INTS7: variants seen among roughly 807,000 people sequenced by gnomAD.
INTS7 encodes chromosome 1 open reading frame 73.
A neutral mutation model predicts 109.2 loss-of-function variants in INTS7; 46 were observed. The observed-to-expected ratio is 0.42, with a 90% confidence interval of 0.33 to 0.54. INTS7 has a LOEUF of 0.54. Among genes scored for constraint, INTS7 ranks in the 20% least tolerant of loss-of-function variants. INTS7 has a pLI of 0.07. For missense variants in INTS7, 929 were observed against 1,132.4 expected (o/e 0.82, Z 2.58); for synonymous variants, 412 against 402.9 (o/e 1.02, Z -0.27).
At chr1:212,016,835 T>A in intron 4 of INTS7, 51 bp downstream of exon 4, 1 of 1,524,236 alleles carries the variant, frequency 6.6e-7, no homozygotes, top group South Asian at 1.3e-5. Context: ...CCTTCAAAAA[T>A]TTTTCTTGGG....
intron 13 of INTS7, among the ~76,000 whole-genome samples, chr1:211,973,011 C>T (rs1028981234): frequency 4.6e-5 from 7 of 152,184 alleles, no homozygotes; most frequent in Non-Finnish European, 7.3e-5. Context: ...AGTGCAATGG[C>T]ACAATCTCAG....
chr1:211,983,870 C>CA (rs1434763976), intron 8 of INTS7, among the ~76,000 whole-genome samples: 2 of 149,868 alleles, frequency 1.3e-5, no homozygotes, highest in Admixed American at 1.3e-4. Flanking sequence ...TTTTTTGAGA[C>CA]AGAGTCTCAC....
chr1:211,952,472 G>C (rs1394673691), intron 17 of INTS7, 97 bp downstream of exon 17: 2 of 1,254,064 alleles, frequency 1.6e-6, no homozygotes, highest in Non-Finnish European at 2.3e-6. Flanking sequence ...AACAGGCACA[G>C]AAAGGTTAAT....
chr1:211,963,088 G>GAA (rs568047708), intron 16 of INTS7, among the ~76,000 whole-genome samples: 10 of 151,720 alleles, frequency 6.6e-5, no homozygotes, highest in Non-Finnish European at 1.3e-4. Context: ...TTGGTGTTTT[G>GAA]AAAAAAAATT....
rs560135077 is a variant in INTS7 at position 211,971,687 on chromosome 1, G to A, written c.1816-2980C>T. Among the ~76,000 whole-genome samples the A allele has an allele frequency of 9.9e-5, 15 of 152,228 alleles. No homozygotes were observed. The South Asian group carries it at 1.2e-3, about 13-fold the overall frequency. ...TGCCAGCACTTTGGGAGGCCAAGGCGGGTGGATCACCTTAGGTCAGGAGTT... is the reference window on the plus strand; with the variant it reads ...TGCCAGCACTTTGGGAGGCCAAGGCAGGTGGATCACCTTAGGTCAGGAGTT... On this transcript the variant is annotated intron_variant, in intron 13 of 19. Transcript: ENST00000366994.
At chr1:211,943,037 C>T (rs867528839) in intron 19 of INTS7, among the ~76,000 whole-genome samples, 10 of 152,098 alleles carry the variant, frequency 6.6e-5, no homozygotes, top group Non-Finnish European at 1.2e-4. Context: ...AATGAACTGA[C>T]GTCACCAACC....
chr1:212,000,670 CTG>C (rs1243108440), intron 7 of INTS7, among the ~76,000 whole-genome samples: 5 of 152,286 alleles, frequency 3.3e-5, no homozygotes. Flanking sequence ...ATTTGAATTT[CTG>C]TGTTTCTTTA....
At chr1:211,973,503 A>G (rs1162700562) in intron 13 of INTS7, among the ~76,000 whole-genome samples, 3 of 152,232 alleles carry the variant, frequency 2.0e-5, no homozygotes, top group African/African-American at 7.2e-5. Flanking sequence ...GCAGATAAAA[A>G]GCATGATCCT....
chr1:212,011,967 T>C (rs984528774), intron 4 of INTS7, among the ~76,000 whole-genome samples: 8 of 152,242 alleles, frequency 5.3e-5, no homozygotes, highest in African/African-American at 1.7e-4. Context: ...ATTCTTAATG[T>C]CAACATTTAA....
At chr1:211,994,624 G>A (rs1213907261) in intron 7 of INTS7, among the ~76,000 whole-genome samples, 1 of 150,748 alleles carries the variant, frequency 6.6e-6, no homozygotes, top group Non-Finnish European at 1.5e-5. Context: ...GTAGAGATGA[G>A]GTTTCACTAT....
In INTS7 at chr1:211,951,714, C is replaced by T. The variant is rs12077149; in HGVS notation, c.2316+855G>A. On this transcript the variant is annotated intron_variant, in intron 17 of 19. Coordinates refer to ENST00000366994, the MANE Select transcript of INTS7 (RefSeq NM_015434.4). The stretch of plus-strand genomic sequence containing the variant: ...CTGTCACCAGGGCCAGGAAGAAAGT[C>T]CTCACCAGGAACCGAATCTGCTGGC... Among the ~76,000 whole-genome samples, 1,211 of 152,300 alleles carry T rather than the reference C, an allele frequency of 8.0e-3. 17 individuals are homozygous for T. The highest frequency in any genetic ancestry group is 0.027 in the African/African-American group (1,138 of 41,548).
rs763233276 is a variant in INTS7 at position 211,946,530 on chromosome 1, T to C, written c.2415+77A>G. ...AAACCAAAGGTAACACACTGAAGTG[T>C]AGCTATGTCCTACATAATCTTCAGA... On this transcript the variant is annotated intron_variant, in intron 18 of 19. Transcript: ENST00000366994. The surrounding 1 kb of genome is among the most constrained non-coding windows in gnomAD (Gnocchi z 4.3). 3 of 824,634 alleles carry C rather than the reference T, an allele frequency of 3.6e-6. No homozygotes were observed. Among genetic ancestry groups the C allele is most frequent in the Non-Finnish European group, 6.1e-6 (3 of 494,146 alleles). The allele number at this position is 824,634 out of a possible 1,614,324, so 51.1% of individuals were successfully genotyped here. A position where few individuals can be genotyped will look rare whatever the true frequency, so the allele number is the denominator to read the frequency against.
At chr1:212,027,178 A>C (rs961220749) in intron 1 of INTS7, among the ~76,000 whole-genome samples, 1 of 152,200 alleles carries the variant, frequency 6.6e-6, no homozygotes, top group Non-Finnish European at 1.5e-5. Context: ...AAGGTGAAAA[A>C]GAAGGAAAAA....
chr1:212,004,814 C>T (rs1173434329), intron 7 of INTS7, among the ~76,000 whole-genome samples: 1 of 152,068 alleles, frequency 6.6e-6, no homozygotes, highest in Non-Finnish European at 1.5e-5. Context: ...AAAAGGTGTT[C>T]AATTTCTTTA....
intron 7 of INTS7, among the ~76,000 whole-genome samples, chr1:212,003,844 A>G (rs946798830): frequency 3.3e-5 from 5 of 152,214 alleles, no homozygotes; most frequent in African/African-American, 9.6e-5. Context: ...AGACTAGTCA[A>G]GTCAAATGGA....
At position 211,946,134 on chromosome 1, in the gene INTS7, C is replaced by A. The variant is rs978116004; in HGVS notation, c.2415+473G>T. ...GAGAGTTTAACTCCCAAATTCATTTCTTTCACCAAACCACTTGATAAAGGA... is the reference window on the plus strand; with the variant it reads ...GAGAGTTTAACTCCCAAATTCATTTATTTCACCAAACCACTTGATAAAGGA... On this transcript the variant is annotated intron_variant, in intron 18 of 19. Transcript: ENST00000366994. The surrounding 1 kb of genome is among the most constrained non-coding windows in gnomAD (Gnocchi z 4.3). Among the ~76,000 whole-genome samples the A allele has an allele frequency of 6.6e-6, 1 of 152,198 alleles. No homozygotes were observed. The highest frequency in any genetic ancestry group is 1.5e-5 in the Non-Finnish European group (1 of 68,032).
intron 7 of INTS7, among the ~76,000 whole-genome samples, chr1:211,992,150 C>T (rs1665176127): frequency 6.6e-6 from 1 of 152,066 alleles, no homozygotes; most frequent in Non-Finnish European, 1.5e-5. Context: ...ATTGGCCTGC[C>T]TTGTACTGTT....
chr1:212,031,560 C>G (rs532679489), intron 1 of INTS7, among the ~76,000 whole-genome samples: 1 of 152,306 alleles, frequency 6.6e-6, no homozygotes, highest in African/African-American at 2.4e-5. Flanking sequence ...AACTTCTTGT[C>G]CTGACTAACG....
intron 8 of INTS7, among the ~76,000 whole-genome samples, chr1:211,984,246 T>C (rs1237753728): frequency 6.6e-6 from 1 of 152,222 alleles, no homozygotes; most frequent in Non-Finnish European, 1.5e-5. Flanking sequence ...CTATTCTTTT[T>C]GTCCATGTGA....
Sources: gnomAD v4.1 joint callset for allele counts (sites outside exome capture counted in the v4.1 genomes callset) on GRCh38, gnomAD v4.1.1 for gene constraint, Gnocchi (gnomAD v3.1) non-coding constraint, MANE v1.5 for transcripts, NCBI Gene and HGNC (gene_info 2026-07-23, HGNC 2026-07-21) for gene names.